SGCZ: variants seen among roughly 807,000 people sequenced by gnomAD.
SGCZ encodes the protein sarcoglycan zeta.
A neutral mutation model predicts 41.3 loss-of-function variants in SGCZ; 40 were observed. The ratio of observed to expected loss-of-function variants is 0.97; its 90% CI spans 0.75 to 1.26. SGCZ has a LOEUF of 1.26. SGCZ is among the 50% of genes most tolerant of loss of function. The probability of loss-of-function intolerance (pLI) is 0.00; values close to 1 mark genes in which losing one functional copy is unlikely to be tolerated. For missense variants in SGCZ, 552 were observed against 369.8 expected (o/e 1.49, Z -4.04); for synonymous variants, 206 against 137.5 (o/e 1.50, Z -3.49).
At chr8:14,125,527 T>C (rs1802826345) in intron 5 of SGCZ, among the ~76,000 whole-genome samples, 1 of 146,578 alleles carries the variant, frequency 6.8e-6, no homozygotes, top group Non-Finnish European at 1.5e-5. Flanking sequence ...AGAAGAAGAA[T>C]CACTATTGTG....
intron 3 of SGCZ, among the ~76,000 whole-genome samples, chr8:14,245,692 C>T (rs1165030689): frequency 6.6e-6 from 1 of 152,062 alleles, no homozygotes; most frequent in Non-Finnish European, 1.5e-5. Flanking sequence ...TCACAACCTA[C>T]TCATCTGACA....
intron 2 of SGCZ, among the ~76,000 whole-genome samples, chr8:14,392,162 AT>A (rs1223594484): frequency 6.6e-6 from 1 of 152,174 alleles, no homozygotes; most frequent in Non-Finnish European, 1.5e-5. Flanking sequence ...ATTATCAGTT[AT>A]TTTAATTCAA....
intron 3 of SGCZ, among the ~76,000 whole-genome samples, chr8:14,272,974 C>G (rs936750305): frequency 1.3e-5 from 2 of 151,326 alleles, no homozygotes; most frequent in African/African-American, 4.9e-5. Context: ...GTGTGAATGT[C>G]GAATTAGAAA....
rs183277169 is a variant in SGCZ at position 14,739,204 on chromosome 8, G to A, written c.40-184278C>T. ...AATCTAGGTGGAAAATAAGATTTAA[G>A]AGTCATTATGATAAAGGGCTGGTTC... On this transcript the variant is annotated intron_variant, in intron 1 of 7. Transcript: ENST00000382080. 2.2e-3 allele frequency among the ~76,000 whole-genome samples: 337 copies of A among 152,068 alleles called. 3 individuals carry two copies. The highest frequency in any genetic ancestry group is 3.3e-3 in the Non-Finnish European group (223 of 67,938).
chr8:14,905,712 A>G (rs1387829421), intron 1 of SGCZ, among the ~76,000 whole-genome samples: 2 of 152,106 alleles, frequency 1.3e-5, no homozygotes. Flanking sequence ...GAAGATATAC[A>G]TAGGTAAAGA....
chr8:14,440,098 C>T (rs540706961), intron 2 of SGCZ, among the ~76,000 whole-genome samples: 2 of 151,994 alleles, frequency 1.3e-5, no homozygotes, highest in African/African-American at 4.8e-5. Flanking sequence ...TCTTATAAGC[C>T]AGTGAATGTA....
At chr8:14,416,495 G>A (rs570694809) in intron 2 of SGCZ, among the ~76,000 whole-genome samples, 3 of 151,984 alleles carry the variant, frequency 2.0e-5, no homozygotes, top group Non-Finnish European at 2.9e-5. Flanking sequence ...TAGAGAATCT[G>A]TATACAATTA....
chr8:14,951,634 T>A (rs1447111234), intron 1 of SGCZ, among the ~76,000 whole-genome samples: 1 of 152,056 alleles, frequency 6.6e-6, no homozygotes, highest in Non-Finnish European at 1.5e-5. Flanking sequence ...TACCAGCATA[T>A]ACTATGACTA....
chr8:14,577,466 G>A (rs1804747250), intron 1 of SGCZ, among the ~76,000 whole-genome samples: 1 of 139,596 alleles, frequency 7.2e-6, no homozygotes, highest in South Asian at 2.2e-4. Flanking sequence ...TCGGTTCACT[G>A]CAACCTCTGC....
intron 1 of SGCZ, among the ~76,000 whole-genome samples, chr8:15,086,097 T>G (rs957381850): frequency 1.3e-5 from 2 of 152,224 alleles, no homozygotes; most frequent in East Asian, 3.8e-4. Context: ...AAATCTAAAC[T>G]TAATTAGCAT....
At chr8:14,885,723 G>C (rs888471276) in intron 1 of SGCZ, among the ~76,000 whole-genome samples, 1 of 151,822 alleles carries the variant, frequency 6.6e-6, no homozygotes, top group Non-Finnish European at 1.5e-5. Context: ...TTTTAAAAAG[G>C]CCAAGCAAAT....
chr8:14,134,964 G>C (rs1467245732), intron 5 of SGCZ, among the ~76,000 whole-genome samples: 1 of 152,052 alleles, frequency 6.6e-6, no homozygotes, highest in Non-Finnish European at 1.5e-5. Context: ...ACACACAGTA[G>C]CGTATCCACT....
At chr8:14,308,898 G>A in intron 3 of SGCZ, 1 of 446,878 alleles carries the variant, frequency 2.2e-6, no homozygotes. Context: ...TATTCGCAAA[G>A]AAATACATTT....
At chr8:14,533,494 G>C (rs1193682529) in intron 2 of SGCZ, among the ~76,000 whole-genome samples, 1 of 151,898 alleles carries the variant, frequency 6.6e-6, no homozygotes, top group East Asian at 1.9e-4. Context: ...AACATTACTA[G>C]ATTTACATTA....
chr8:14,130,233 C>G (rs925372274), intron 5 of SGCZ, among the ~76,000 whole-genome samples: 2 of 151,690 alleles, frequency 1.3e-5, no homozygotes, highest in Non-Finnish European at 2.9e-5. Flanking sequence ...TAAACACACA[C>G]ACGCAATTTA....
At chr8:14,628,208 G>A (rs1293729268) in intron 1 of SGCZ, among the ~76,000 whole-genome samples, 4 of 151,944 alleles carry the variant, frequency 2.6e-5, no homozygotes, top group Non-Finnish European at 5.9e-5. Context: ...CCAAATTCCA[G>A]CAAGTCATCT....
intron 1 of SGCZ, among the ~76,000 whole-genome samples, chr8:15,081,865 T>G (rs990984306): frequency 1.3e-5 from 2 of 152,074 alleles, no homozygotes; most frequent in African/African-American, 4.8e-5. Context: ...GGAATTGATT[T>G]CAAAAAAGGA....
chr8:14,261,890 A>C (rs550361532), intron 3 of SGCZ, among the ~76,000 whole-genome samples: 1 of 152,288 alleles, frequency 6.6e-6, no homozygotes, highest in South Asian at 2.1e-4. Context: ...AGCAAAGCAA[A>C]AGTAGAGGAA....
intron 2 of SGCZ, among the ~76,000 whole-genome samples, chr8:14,336,407 G>A (rs1385144558): frequency 2.0e-5 from 3 of 152,214 alleles, no homozygotes; most frequent in South Asian, 2.1e-4. Context: ...ACATACATGT[G>A]CATGTGTCTT....
Sources: allele counts gnomAD v4.1 joint callset (sites outside exome capture counted in the v4.1 genomes callset), GRCh38; gene constraint gnomAD v4.1.1; transcripts MANE v1.5; gene names NCBI Gene and HGNC (gene_info 2026-07-23, HGNC 2026-07-21).